Variants in DLGAP2 observed in about 807,000 individuals in gnomAD.
DLGAP2 encodes the protein disks large-associated protein 2.
In DLGAP2, 26 loss-of-function variants were observed where a neutral mutation model predicts 100.3. The observed-to-expected ratio is 0.26, with a 90% confidence interval of 0.19 to 0.36. The LOEUF (loss-of-function observed/expected upper bound fraction) is 0.36, where lower values mean the gene tolerates loss of function less well. DLGAP2 is among the 10% of genes least tolerant of loss of function. DLGAP2 has a pLI of 1.00. For missense variants in DLGAP2, 1,858 were observed against 1,453.2 expected (o/e 1.28, Z -4.53); for synonymous variants, 886 against 630.1 (o/e 1.41, Z -6.08).
chr8:1,347,986 G>A (rs1427812586), intron 3 of DLGAP2, among the ~76,000 whole-genome samples: 7 of 151,304 alleles, frequency 4.6e-5, no homozygotes, highest in African/African-American at 1.7e-4. Context: ...GCTGTGTGGA[G>A]GTTGAGTTCC....
intron 6 of DLGAP2, among the ~76,000 whole-genome samples, chr8:1,590,601 CTT>C (rs1796261734): frequency 6.6e-6 from 1 of 152,212 alleles, no homozygotes; most frequent in Non-Finnish European, 1.5e-5. Flanking sequence ...AGAGCAGTAA[CTT>C]TAGCTGGCTA....
At chr8:993,495 G>A (rs575271503) in intron 2 of DLGAP2, among the ~76,000 whole-genome samples, 450 of 14,068 alleles carry the variant, frequency 0.032, 164 homozygotes, top group African/African-American at 0.17. Flanking sequence ...CTCCTTGCCT[G>A]GACCCCCTGC....
chr8:861,690 G>A (rs1797394554), intron 1 of DLGAP2, among the ~76,000 whole-genome samples: 1 of 152,240 alleles, frequency 6.6e-6, no homozygotes, highest in African/African-American at 2.4e-5. Context: ...ATATTTCACA[G>A]TGTTAGCTAT....
chr8:936,291 G>A (rs1799069817), intron 2 of DLGAP2, among the ~76,000 whole-genome samples: 1 of 152,168 alleles, frequency 6.6e-6, no homozygotes, highest in Non-Finnish European at 1.5e-5. Context: ...GGCTCTATTT[G>A]AAGGTGGCCA....
intron 2 of DLGAP2, among the ~76,000 whole-genome samples, chr8:1,173,116 G>A (rs1298689109): frequency 6.6e-6 from 1 of 152,210 alleles, no homozygotes; most frequent in East Asian, 1.9e-4. Flanking sequence ...ACCCTCAGCT[G>A]CAGGTCTGTT....
chr8:1,249,385 A>G (rs1201685049), intron 2 of DLGAP2, among the ~76,000 whole-genome samples: 3 of 152,074 alleles, frequency 2.0e-5, no homozygotes, highest in Non-Finnish European at 2.9e-5. Context: ...CTAGTTCCTT[A>G]TGTCATCTCT....
chr8:1,432,327 T>C (rs1797475045), intron 3 of DLGAP2, among the ~76,000 whole-genome samples: 1 of 152,242 alleles, frequency 6.6e-6, no homozygotes, highest in Admixed American at 6.5e-5. Context: ...GCTTTTATAT[T>C]CAAGAAATTC....
chr8:1,115,239 A>G (rs1369362599), intron 2 of DLGAP2, among the ~76,000 whole-genome samples: 1 of 152,222 alleles, frequency 6.6e-6, no homozygotes, highest in Admixed American at 6.5e-5. Context: ...GATCCTGAAT[A>G]TCTTCATTAA....
intron 3 of DLGAP2, among the ~76,000 whole-genome samples, chr8:1,438,858 G>T (rs1238148940): frequency 1.3e-5 from 2 of 152,176 alleles, no homozygotes; most frequent in African/African-American, 4.8e-5. Context: ...AGTGGAATGG[G>T]CTGTAATACC....
intron 1 of DLGAP2, among the ~76,000 whole-genome samples, chr8:893,339 G>C (rs1217026215): frequency 6.6e-6 from 1 of 152,194 alleles, no homozygotes; most frequent in Non-Finnish European, 1.5e-5. Flanking sequence ...CTGAACTGCT[G>C]GGTGCCTTTT....
intron 3 of DLGAP2, among the ~76,000 whole-genome samples, chr8:1,315,663 A>G (rs866198040): frequency 3.6e-5 from 4 of 111,226 alleles, no homozygotes; most frequent in Admixed American, 1.9e-4. Flanking sequence ...CGTCTCTCCA[A>G]CAGTGGTCTA....
At chr8:1,355,727 C>G (rs11784555) in intron 3 of DLGAP2, among the ~76,000 whole-genome samples, 31,964 of 152,042 alleles carry the variant, frequency 0.21, 4,110 homozygotes, top group Admixed American at 0.29. Flanking sequence ...CCACAGAGCT[C>G]TGAACAAGAC....
chr8:1,693,550 C>A (rs754672651), intron 13 of DLGAP2, among the ~76,000 whole-genome samples: 17 of 152,134 alleles, frequency 1.1e-4, no homozygotes, highest in Admixed American at 3.3e-4. Context: ...CCTCGCGTAG[C>A]AATGGTGCCA....
At chr8:1,274,290 A>G (rs1799638998) in intron 3 of DLGAP2, among the ~76,000 whole-genome samples, 1 of 152,198 alleles carries the variant, frequency 6.6e-6, no homozygotes, top group African/African-American at 2.4e-5. Context: ...TGACGCACGC[A>G]TGACACAACC....
chr8:1,359,858 T>TA (rs1801939930), intron 3 of DLGAP2, among the ~76,000 whole-genome samples: 1 of 152,228 alleles, frequency 6.6e-6, no homozygotes, highest in African/African-American at 2.4e-5. Context: ...TAGATGAAGA[T>TA]ACAGTGTTTT....
At chr8:1,362,719 T>A (rs895649410) in intron 3 of DLGAP2, among the ~76,000 whole-genome samples, 1 of 152,250 alleles carries the variant, frequency 6.6e-6, no homozygotes, top group Non-Finnish European at 1.5e-5. Flanking sequence ...CATTTGCTTT[T>A]TAATTCAAGA....
chr8:1,417,283 A>G (rs973566666), intron 3 of DLGAP2, among the ~76,000 whole-genome samples: 1 of 151,992 alleles, frequency 6.6e-6, no homozygotes, highest in East Asian at 1.9e-4. Context: ...GCGGGAGGAG[A>G]GACCGGCGTT....
At chr8:751,355 G>T (rs148309336) in intron 1 of DLGAP2, among the ~76,000 whole-genome samples, 1 of 151,564 alleles carries the variant, frequency 6.6e-6, no homozygotes, top group East Asian at 1.9e-4. Context: ...CCATCCTCTC[G>T]TGGAAAGGAG....
chr8:1,437,198 C>G (rs530169311), intron 3 of DLGAP2, among the ~76,000 whole-genome samples: 1 of 151,040 alleles, frequency 6.6e-6, no homozygotes, highest in African/African-American at 2.4e-5. Flanking sequence ...CTGCGTTCAG[C>G]CCAGGCGCGT....
Sources: gnomAD v4.1 joint callset for allele counts (sites outside exome capture counted in the v4.1 genomes callset) on GRCh38, gnomAD v4.1.1 for gene constraint, MANE v1.5 for transcripts, NCBI Gene and HGNC (gene_info 2026-07-23, HGNC 2026-07-21) for gene names.